Variants in NCKAP5 observed in about 807,000 individuals in gnomAD.
The protein encoded by NCKAP5 is nck-associated protein 5.
A neutral mutation model predicts 167.0 loss-of-function variants in NCKAP5; 92 were observed. That is an observed-to-expected ratio of 0.55 (90% CI 0.47 to 0.66). The LOEUF is 0.66. Among genes scored for constraint, NCKAP5 ranks in the 30% least tolerant of loss-of-function variants. NCKAP5 has a pLI of 0.00. For synonymous variants in NCKAP5, 891 were observed against 877.4 expected (o/e 1.02, Z -0.27); for missense variants, 2,378 against 2,315.0 (o/e 1.03, Z -0.56).
intron 1 of NCKAP5, among the ~76,000 whole-genome samples, chr2:133,563,258 CTT>C (rs1688296541): frequency 6.6e-6 from 1 of 152,124 alleles, no homozygotes; most frequent in Non-Finnish European, 1.5e-5. Flanking sequence ...TAACCATAAA[CTT>C]GGGCTACTCT....
intron 6 of NCKAP5, among the ~76,000 whole-genome samples, chr2:133,039,458 T>C (rs2079142831): frequency 1.3e-5 from 2 of 152,196 alleles, no homozygotes; most frequent in Admixed American, 6.6e-5. Flanking sequence ...AAATTTCCTT[T>C]TAGGATCAGA....
intron 11 of NCKAP5, among the ~76,000 whole-genome samples, chr2:132,821,530 C>T (rs974918594): frequency 5.3e-5 from 8 of 152,138 alleles, no homozygotes; most frequent in Middle Eastern, 6.3e-3. Context: ...GGCACAAATT[C>T]TCTTGAGTGG....
intron 3 of NCKAP5, among the ~76,000 whole-genome samples, chr2:133,490,443 T>C (rs1289394331): frequency 6.6e-6 from 1 of 152,194 alleles, no homozygotes; most frequent in Non-Finnish European, 1.5e-5. Context: ...AGACCTGCCC[T>C]GTGGTAACAA....
chr2:133,112,406 G>A (rs568450537), intron 6 of NCKAP5, among the ~76,000 whole-genome samples: 3 of 152,074 alleles, frequency 2.0e-5, no homozygotes, highest in Admixed American at 6.5e-5. Context: ...CCCGGGAGGC[G>A]GAGCTTGCAG....
At position 132,686,487 on chromosome 2, in the gene NCKAP5, C is replaced by T. The variant is rs1054187140; in HGVS notation, c.5714-13182G>A. On this transcript the variant is annotated intron_variant, in intron 19 of 19. Transcript: ENST00000409261. ...CATGGTGGGTATTTACTGTGTATAT[C>T]GGTTGCCATAGCTCAGTCTCCCTTG... is the stretch of plus-strand genomic sequence containing the variant. Among the ~76,000 whole-genome samples the T allele has an allele frequency of 1.2e-4, 19 of 152,246 alleles. 1 individual carries two copies. The highest frequency in any genetic ancestry group is 1.8e-4 in the Non-Finnish European group (12 of 68,014).
At chr2:133,521,460 G>A (rs1684466563) in intron 2 of NCKAP5, among the ~76,000 whole-genome samples, 1 of 152,220 alleles carries the variant, frequency 6.6e-6, no homozygotes, top group Non-Finnish European at 1.5e-5. Context: ...TAGCATATTA[G>A]TCAGCTTGAG....
chr2:132,824,150 C>A (rs376358526), intron 11 of NCKAP5, among the ~76,000 whole-genome samples: 3 of 138,212 alleles, frequency 2.2e-5, no homozygotes, highest in Non-Finnish European at 4.7e-5. Flanking sequence ...AAACAAAAAA[C>A]AGAAAGCCTC....
At chr2:133,317,869 A>C (rs56329038) in intron 3 of NCKAP5, among the ~76,000 whole-genome samples, 1 of 152,322 alleles carries the variant, frequency 6.6e-6, no homozygotes, top group Non-Finnish European at 1.5e-5. Flanking sequence ...ACATCTGACC[A>C]TGAAAAGGCC....
intron 4 of NCKAP5, among the ~76,000 whole-genome samples, chr2:133,234,346 G>A (rs987132132): frequency 3.3e-5 from 5 of 152,150 alleles, no homozygotes; most frequent in Admixed American, 6.5e-5. Flanking sequence ...AACACATTGC[G>A]GGGCTCTTAC....
At chr2:133,343,443 T>C (rs1683733401) in intron 3 of NCKAP5, among the ~76,000 whole-genome samples, 3 of 150,954 alleles carry the variant, frequency 2.0e-5, no homozygotes, top group Admixed American at 2.0e-4. Context: ...GAATAAAACC[T>C]GTGCTCAGAG....
intron 1 of NCKAP5, among the ~76,000 whole-genome samples, chr2:133,564,134 CA>C (rs766258899): frequency 1.5e-3 from 209 of 141,876 alleles, no homozygotes; most frequent in Admixed American, 1.7e-3. Flanking sequence ...AACTCCATTT[CA>C]AAAAAAAAAA....
At chr2:132,790,992 T>A (rs1684024144) in intron 12 of NCKAP5, among the ~76,000 whole-genome samples, 1 of 152,348 alleles carries the variant, frequency 6.6e-6, no homozygotes, top group Non-Finnish European at 1.5e-5. Flanking sequence ...CATCTTTGAC[T>A]ACAGGCTTCA....
intron 4 of NCKAP5, among the ~76,000 whole-genome samples, chr2:133,284,240 G>A (rs1156987713): frequency 1.3e-5 from 2 of 151,822 alleles, no homozygotes; most frequent in Non-Finnish European, 2.9e-5. Flanking sequence ...GTCTAATTGA[G>A]GAGTCACCAA....
At chr2:133,163,017 C>G (rs1381452922) in intron 5 of NCKAP5, among the ~76,000 whole-genome samples, 1 of 152,086 alleles carries the variant, frequency 6.6e-6, no homozygotes, top group Admixed American at 6.5e-5. Context: ...AAGGAAACTC[C>G]AATATTCAGT....
At chr2:133,610,098 G>A in the NCKAP5 span, among the ~76,000 whole-genome samples, 47 of 152,078 alleles carry the variant, frequency 3.1e-4, no homozygotes, top group Non-Finnish European at 5.0e-4. Flanking sequence ...TCAATACATC[G>A]CATCGATTTT....
At chr2:133,174,702 C>CT (rs71909848) in intron 5 of NCKAP5, among the ~76,000 whole-genome samples, 38,451 of 144,524 alleles carry the variant, frequency 0.27, 5,701 homozygotes, top group African/African-American at 0.41. Context: ...CAAGTAACAT[C>CT]TTTTTTTTTT....
chr2:132,761,304 G>T (rs1680986412), intron 16 of NCKAP5, among the ~76,000 whole-genome samples: 2 of 152,288 alleles, frequency 1.3e-5, no homozygotes, highest in South Asian at 4.1e-4. Context: ...GAACGTTAAA[G>T]AACATGGTTT....
intron 2 of NCKAP5, among the ~76,000 whole-genome samples, chr2:133,539,456 C>T (rs1686047327): frequency 6.6e-6 from 1 of 151,956 alleles, no homozygotes; most frequent in African/African-American, 2.4e-5. Flanking sequence ...GATAATTCAA[C>T]ATCAAACAAA....
chr2:132,745,044 A>G (rs1256676302), intron 16 of NCKAP5, among the ~76,000 whole-genome samples: 1 of 151,836 alleles, frequency 6.6e-6, no homozygotes, highest in African/African-American at 2.4e-5. Flanking sequence ...GATGAAAAAA[A>G]TGATCATTTC....
Sources: allele counts gnomAD v4.1 joint callset (sites outside exome capture counted in the v4.1 genomes callset), GRCh38; gene constraint gnomAD v4.1.1; transcripts MANE v1.5; gene names NCBI Gene and HGNC (gene_info 2026-07-23, HGNC 2026-07-21).